Variants in MAPK10 observed in about 807,000 individuals in gnomAD.
MAPK10 encodes the protein mitogen-activated protein kinase 10.
MAPK10 carries 25 observed loss-of-function variants against 59.3 expected under a neutral mutation model. The ratio of observed to expected loss-of-function variants is 0.42; its 90% CI spans 0.31 to 0.59. The LOEUF (loss-of-function observed/expected upper bound fraction) is 0.59, where lower values mean the gene tolerates loss of function less well. Among genes scored for constraint, MAPK10 ranks in the 20% least tolerant of loss-of-function variants. The pLI, the probability that MAPK10 is intolerant of heterozygous loss-of-function variation, is 0.15. For missense variants in MAPK10, 351 were observed against 568.9 expected (o/e 0.62, Z 3.90); for synonymous variants, 190 against 200.5 (o/e 0.95, Z 0.44).
intron 9 of MAPK10, among the ~76,000 whole-genome samples, chr4:86,086,297 A>G (rs1380515647): frequency 1.3e-5 from 2 of 152,184 alleles, no homozygotes; most frequent in East Asian, 3.9e-4. Context: ...TAACGGCTAA[A>G]ATAAAAAGTT....
chr4:86,072,300 G>C lies in MAPK10; in HGVS notation c.803-4345C>G, dbSNP rs200289903. Among the ~76,000 whole-genome samples, 38 of 152,150 alleles carry C rather than the reference G, an allele frequency of 2.5e-4. No individual in the cohort carries two copies. In the East Asian group the frequency reaches 4.8e-3, roughly 19 times the overall value. ...GCTTAAGGATATTTTGGGCTGAGAC[G>C]ATGGGGTTTTCTAGATATACAATCA... On this transcript the variant is annotated intron_variant, in intron 9 of 13. Coordinates refer to ENST00000641462, the MANE Select transcript of MAPK10 (RefSeq NM_138982.4).
chr4:86,440,614 C>T (rs1380617544), intron 1 of MAPK10, among the ~76,000 whole-genome samples: 4 of 142,888 alleles, frequency 2.8e-5, no homozygotes, highest in Non-Finnish European at 1.5e-5. Context: ...GGTGACAGAG[C>T]GAGATCCTGT....
In MAPK10 at chr4:86,075,626, G is replaced by A. The variant is rs995236987; in HGVS notation, c.803-7671C>T. Among the ~76,000 whole-genome samples, 27 of 151,966 alleles carry A rather than the reference G, an allele frequency of 1.8e-4. 2 individuals are homozygous for A. The highest frequency in any genetic ancestry group is 2.4e-5 in the African/African-American group (1 of 41,366). ...TTCCTTCTAACAGACAGGACCCTCA[G>A]CTGCAGGTCTGTTGGAATACCCTGC... is the stretch of plus-strand genomic sequence containing the variant. On this transcript the variant is annotated intron_variant, in intron 9 of 13. Coordinates refer to ENST00000641462, the MANE Select transcript of MAPK10 (RefSeq NM_138982.4).
At chr4:86,369,075 T>C (rs1738353650) in intron 1 of MAPK10, among the ~76,000 whole-genome samples, 1 of 152,098 alleles carries the variant, frequency 6.6e-6, no homozygotes, top group South Asian at 2.1e-4. Context: ...CCTAGAAGCA[T>C]GAAAAAAGCA....
chr4:86,047,473 G>C (rs2042718329), intron 11 of MAPK10, among the ~76,000 whole-genome samples: 1 of 152,094 alleles, frequency 6.6e-6, no homozygotes, highest in African/African-American at 2.4e-5. Context: ...GAAGCCTAAA[G>C]GTGATATCAG....
intron 2 of MAPK10, among the ~76,000 whole-genome samples, chr4:86,315,253 T>TG (rs2095757252): frequency 6.6e-6 from 1 of 151,554 alleles, no homozygotes; most frequent in Non-Finnish European, 1.5e-5. Context: ...GGAAGATTAG[T>TG]GGGGGATGCG....
chr4:86,064,357 A>G lies in MAPK10; in HGVS notation c.1019T>C (p.Leu340Pro). 1 of 1,614,146 alleles carries G rather than the reference A, an allele frequency of 6.2e-7. No homozygotes were observed. The highest frequency in any genetic ancestry group is 8.5e-7 in the Non-Finnish European group (1 of 1,179,982). Residue 340 changes from leucine (L) to proline (P), a missense_variant, in exon 11 of 14, where the codon CTA (leucine) becomes CCA (proline). By Grantham distance (98) the Leu-to-Pro change is moderately conservative. Around this residue, in one of 5 missense-constraint regions of MAPK10, gnomAD observed 155 missense variants for 204.2 expected, o/e 0.76. Transcript: ENST00000641462. ...TATTCTTTTTGCTGGGTCAATCACT[A>G]GCATCTTTGACAACAAGTCCCTGGC... is the stretch of plus-strand genomic sequence containing the variant. Reference protein sequence around the residue: ...SQARDLLSKMLVIDPAKRISV... With the variant: ...SQARDLLSKMPVIDPAKRISV...
intron 1 of MAPK10, among the ~76,000 whole-genome samples, chr4:86,494,361 C>T (rs565602324): frequency 6.6e-6 from 1 of 152,342 alleles, no homozygotes; most frequent in African/African-American, 2.4e-5. Context: ...CAATGCAACA[C>T]TCAGCCTCCT....
intron 3 of MAPK10, among the ~76,000 whole-genome samples, chr4:86,168,629 G>C (rs1232325830): frequency 1.3e-5 from 2 of 152,166 alleles, no homozygotes. Context: ...CACCTCTGGG[G>C]GCAGGGCACA....
At chr4:86,124,840 T>G (rs1181225122) in intron 4 of MAPK10, 1 of 151,966 alleles carries the variant, frequency 6.6e-6, no homozygotes, top group Admixed American at 6.6e-5. Context: ...AGGATTGAAA[T>G]ATGATTTTAA....
intron 1 of MAPK10, among the ~76,000 whole-genome samples, chr4:86,365,746 A>C (rs1321325457): frequency 6.6e-6 from 1 of 152,196 alleles, no homozygotes; most frequent in African/African-American, 2.4e-5. Flanking sequence ...TTTAGGTCTA[A>C]AAACACTTTA....
intron 2 of MAPK10, among the ~76,000 whole-genome samples, chr4:86,204,099 G>A (rs2083270401): frequency 6.6e-6 from 1 of 151,846 alleles, no homozygotes; most frequent in Non-Finnish European, 1.5e-5. Context: ...GTAATCGTGA[G>A]AGGAACTGCA....
chr4:86,520,003 T>A (rs1043794047), intron 1 of MAPK10, among the ~76,000 whole-genome samples: 4 of 152,232 alleles, frequency 2.6e-5, no homozygotes, highest in Non-Finnish European at 4.4e-5. Context: ...CTGACAGGTT[T>A]TCCTTTATAA....
intron 9 of MAPK10, among the ~76,000 whole-genome samples, chr4:86,087,209 T>A (rs1210114413): frequency 6.6e-6 from 1 of 152,172 alleles, no homozygotes; most frequent in Non-Finnish European, 1.5e-5. Context: ...AATAGAAACA[T>A]AACAAAGATC....
chr4:86,466,251 T>C (rs1351289670), intron 1 of MAPK10, among the ~76,000 whole-genome samples: 1 of 152,186 alleles, frequency 6.6e-6, no homozygotes, highest in Non-Finnish European at 1.5e-5. Flanking sequence ...AGAGGTGCTG[T>C]GCAACGATTC....
intron 4 of MAPK10, among the ~76,000 whole-genome samples, chr4:86,122,952 G>T (rs2059500559): frequency 6.6e-6 from 1 of 151,944 alleles, no homozygotes; most frequent in Non-Finnish European, 1.5e-5. Flanking sequence ...AATTTATGTG[G>T]TTCTGATAGG....
upstream of MAPK10, among the ~76,000 whole-genome samples, chr4:86,456,866 A>C (rs900971043): frequency 6.6e-6 from 1 of 152,146 alleles, no homozygotes; most frequent in Non-Finnish European, 1.5e-5. Flanking sequence ...AAAGACAACT[A>C]CAGACCAATA....
chr4:86,251,387 C>G (rs928940020), intron 2 of MAPK10, among the ~76,000 whole-genome samples: 1 of 150,836 alleles, frequency 6.6e-6, no homozygotes, highest in Non-Finnish European at 1.5e-5. Flanking sequence ...CATGTGATCT[C>G]ATTGTTCAAT....
At chr4:86,562,982 C>T (rs1180221187) in intron 1 of MAPK10, among the ~76,000 whole-genome samples, 1 of 152,192 alleles carries the variant, frequency 6.6e-6, no homozygotes, top group Non-Finnish European at 1.5e-5. Context: ...CTTTGTATAA[C>T]TCTTAAGGTA....
Sources: allele counts gnomAD v4.1 joint callset (sites outside exome capture counted in the v4.1 genomes callset), GRCh38; gene constraint gnomAD v4.1.1; regional missense constraint gnomAD v4.1.1; transcripts MANE v1.5; gene names NCBI Gene and HGNC (gene_info 2026-07-23, HGNC 2026-07-21).